Variants in PTPRM observed in about 807,000 individuals in gnomAD.
The protein encoded by PTPRM is receptor-type tyrosine-protein phosphatase mu.
PTPRM carries 47 observed loss-of-function variants against 186.7 expected under a neutral mutation model. That is an observed-to-expected ratio of 0.25 (90% CI 0.20 to 0.32). PTPRM has a LOEUF of 0.32. PTPRM is among the 10% of genes least tolerant of loss of function. PTPRM has a pLI of 1.00. For missense variants in PTPRM, 1,494 were observed against 1,865.0 expected, an observed-to-expected ratio of 0.80 and a Z score of 3.66; for synonymous variants, 668 against 674.9, an observed-to-expected ratio of 0.99 and a Z score of 0.16.
At chr18:7,773,570 G>GTTTTTTTTTTTTTTTTTTTTTTTTTTTTT (rs10708698) in intron 1 of PTPRM, among the ~76,000 whole-genome samples, 10 of 129,092 alleles carry the variant, frequency 7.7e-5, no homozygotes, top group Non-Finnish European at 1.2e-4. Context: ...TCTTTTCTTT[G>GTTTTTTTTTTTTTTTTTTTTTTTTTTTTT]TTTTTTTTTT....
chr18:8,115,065 G>A (rs2091903470), intron 13 of PTPRM, among the ~76,000 whole-genome samples: 1 of 152,064 alleles, frequency 6.6e-6, no homozygotes, highest in Non-Finnish European at 1.5e-5. Flanking sequence ...TGTGTTCCAA[G>A]CAGTTTTCAA....
chr18:7,595,437 A>T (rs2037231988), intron 1 of PTPRM, among the ~76,000 whole-genome samples: 1 of 152,152 alleles, frequency 6.6e-6, no homozygotes, highest in South Asian at 2.1e-4. Context: ...TTAGCTATGT[A>T]AGTGTTGGGG....
At chr18:7,782,760 C>G (rs978772201) in intron 2 of PTPRM, among the ~76,000 whole-genome samples, 2 of 152,252 alleles carry the variant, frequency 1.3e-5, no homozygotes, top group African/African-American at 4.8e-5. Flanking sequence ...TATACAAAAA[C>G]TTTCAGAGAT....
intron 11 of PTPRM, among the ~76,000 whole-genome samples, chr18:8,093,596 A>G (rs1033029908): frequency 1.3e-5 from 2 of 152,178 alleles, no homozygotes; most frequent in Non-Finnish European, 2.9e-5. Flanking sequence ...TTATTTGTGC[A>G]TTTGCAAGTT....
intron 3 of PTPRM, among the ~76,000 whole-genome samples, chr18:7,898,264 T>A (rs998349113): frequency 1.3e-5 from 2 of 152,220 alleles, no homozygotes; most frequent in East Asian, 3.8e-4. Context: ...GACTAGGTAA[T>A]GTGTGGGAGA....
chr18:7,829,243 T>G (rs895207595), intron 2 of PTPRM, among the ~76,000 whole-genome samples: 2 of 152,188 alleles, frequency 1.3e-5, no homozygotes, highest in Non-Finnish European at 2.9e-5. Flanking sequence ...GTTAGAGACA[T>G]TTTTGTGCAC....
At chr18:7,860,114 C>T (rs1469626236) in intron 2 of PTPRM, among the ~76,000 whole-genome samples, 1 of 151,554 alleles carries the variant, frequency 6.6e-6, no homozygotes, top group African/African-American at 2.4e-5. Context: ...GCTGTGTCTC[C>T]CAGGCTGGAG....
chr18:7,678,385 C>T (rs1396759532), intron 1 of PTPRM, among the ~76,000 whole-genome samples: 1 of 152,152 alleles, frequency 6.6e-6, no homozygotes, highest in Non-Finnish European at 1.5e-5. Context: ...TGGTCACCCA[C>T]TTAAGGGATT....
chr18:8,251,731 C>T (rs1020076666), intron 17 of PTPRM: 2 of 152,200 alleles, frequency 1.3e-5, no homozygotes, highest in Admixed American at 1.3e-4. Context: ...GTGAGGTTCC[C>T]AAACCAGGCC....
chr18:8,387,318 C>A (rs1332897928), intron 31 of PTPRM, 83 bp downstream of exon 31: 3 of 1,379,914 alleles, frequency 2.2e-6, no homozygotes, highest in African/African-American at 2.9e-5. Context: ...ACTTTTGTTT[C>A]ACTAGAAATG....
At chr18:8,114,860 A>G (rs1484295329) in intron 13 of PTPRM, 33 bp downstream of exon 13, 7 of 1,580,360 alleles carry the variant, frequency 4.4e-6, no homozygotes, top group African/African-American at 1.4e-5. Flanking sequence ...TCTCCTAATT[A>G]ATGTTCCTTA....
At position 8,316,876 on chromosome 18, in the gene PTPRM, T is replaced by C. The variant is rs75774219; in HGVS notation, c.2919+2019T>C. On this transcript the variant is annotated intron_variant, in intron 21 of 32. Coordinates refer to ENST00000580170, the MANE Select transcript of PTPRM (RefSeq NM_001105244.2). Reference sequence around the variant, plus strand: ...CAAGGGGTTGAGCTATATAGATACCTGGAAGAAGAGCATTCTGGGCTGAGA... The same window carrying C: ...CAAGGGGTTGAGCTATATAGATACCCGGAAGAAGAGCATTCTGGGCTGAGA... 1.4e-3 allele frequency among the ~76,000 whole-genome samples: 208 copies of C among 152,188 alleles called. 2 individuals carry two copies. Among genetic ancestry groups the C allele is most frequent in the Non-Finnish European group, 1.8e-3 (122 of 67,992 alleles).
In PTPRM at chr18:8,082,600, T is replaced by A. The variant is rs140874401; in HGVS notation, c.1552-3071T>A. 5.8e-3 allele frequency among the ~76,000 whole-genome samples: 883 copies of A among 150,972 alleles called. 11 individuals carry two copies. The highest frequency in any genetic ancestry group is 0.02 in the African/African-American group (841 of 41,234). Reference sequence around the variant, plus strand: ...GACAGCTTTCTCTCCTTTGGCTCTCTTCTTGCATTTCTGGCTCTTCTGTTG... The same window carrying A: ...GACAGCTTTCTCTCCTTTGGCTCTCATCTTGCATTTCTGGCTCTTCTGTTG... On this transcript the variant is annotated intron_variant, in intron 9 of 32. Coordinates refer to ENST00000580170, the MANE Select transcript of PTPRM (RefSeq NM_001105244.2).
At chr18:8,218,204 T>G (rs543947334) in intron 14 of PTPRM, among the ~76,000 whole-genome samples, 14 of 152,216 alleles carry the variant, frequency 9.2e-5, no homozygotes, top group Non-Finnish European at 1.8e-4. Context: ...TTACAATGTT[T>G]GTCAAATCTC....
chr18:8,130,547 G>A (rs1437430386), intron 13 of PTPRM, among the ~76,000 whole-genome samples: 1 of 152,180 alleles, frequency 6.6e-6, no homozygotes, highest in Non-Finnish European at 1.5e-5. Context: ...AAAATGTCAA[G>A]CTTGCAGTGG....
Position 8,044,477 on chromosome 18 carries a change from G to A in PTPRM, c.1133-25209G>A, listed in dbSNP as rs147169937. 9.5e-3 allele frequency among the ~76,000 whole-genome samples: 1,448 copies of A among 152,102 alleles called. 25 individuals are homozygous for A. Among genetic ancestry groups the A allele is most frequent in the African/African-American group, 0.032 (1,338 of 41,498 alleles). The stretch of plus-strand genomic sequence containing the variant: ...CGCAGTTGCAGTAATCAAGACATGC[G>A]GGCACAATGATAAACATGTTGTGCC... On this transcript the variant is annotated intron_variant, in intron 7 of 32. Coordinates refer to ENST00000580170, the MANE Select transcript of PTPRM (RefSeq NM_001105244.2).
chr18:7,624,945 T>C (rs1290930428), intron 1 of PTPRM, among the ~76,000 whole-genome samples: 1 of 152,224 alleles, frequency 6.6e-6, no homozygotes, highest in African/African-American at 2.4e-5. Context: ...CTAATGTGTG[T>C]ATCAGCTGCT....
chr18:8,375,438 A>C (rs1427881437), intron 24 of PTPRM, among the ~76,000 whole-genome samples: 1 of 152,082 alleles, frequency 6.6e-6, no homozygotes, highest in Non-Finnish European at 1.5e-5. Context: ...ATATTTACCC[A>C]CATTAAAAAG....
chr18:7,770,499 G>T (rs999789510), intron 1 of PTPRM, among the ~76,000 whole-genome samples: 1 of 152,176 alleles, frequency 6.6e-6, no homozygotes, highest in East Asian at 1.9e-4. Context: ...AATTGATGCT[G>T]GCTGAACATG....
Sources: allele counts gnomAD v4.1 joint callset (sites outside exome capture counted in the v4.1 genomes callset), GRCh38; gene constraint gnomAD v4.1.1; transcripts MANE v1.5; gene names NCBI Gene and HGNC (gene_info 2026-07-23, HGNC 2026-07-21).